The following EBF1 variants were observed in gnomAD, a reference collection of about 807,000 sequenced individuals.
EBF1 encodes the protein EBF transcription factor 1, also known as transcription factor COE1.
A neutral mutation model predicts 68.4 loss-of-function variants in EBF1; 10 were observed. The observed-to-expected ratio is 0.15, with a 90% CI of 0.09 to 0.25. The LOEUF (loss-of-function observed/expected upper bound fraction) is 0.25. Ranked by LOEUF, EBF1 falls within the 10% of genes least tolerant of loss-of-function variation. The pLI, the probability that EBF1 is intolerant of heterozygous loss-of-function variation, is 1.00. For missense variants in EBF1, 509 were observed against 794.4 expected, an observed-to-expected ratio of 0.64 and a Z score of 4.32; for synonymous variants, 298 against 299.8, an observed-to-expected ratio of 0.99 and a Z score of 0.06.
intron 6 of EBF1, among the ~76,000 whole-genome samples, chr5:159,022,054 G>GGTAAA (rs1766794345): frequency 5.6e-5 from 1 of 17,950 alleles, no homozygotes; most frequent in Non-Finnish European, 1.1e-4. Flanking sequence ...TTGTCAGCAC[G>GGTAAA]ATAAAAAAAA....
At chr5:158,761,308 T>C (rs1170591626) in intron 10 of EBF1, among the ~76,000 whole-genome samples, 3 of 152,234 alleles carry the variant, frequency 2.0e-5, no homozygotes, top group African/African-American at 7.2e-5. Flanking sequence ...ACTCATATCC[T>C]GTTCTGCTGT....
chr5:158,768,536 A>G (rs1273164694), intron 10 of EBF1, among the ~76,000 whole-genome samples: 1 of 152,160 alleles, frequency 6.6e-6, no homozygotes, highest in Admixed American at 6.6e-5. Context: ...TTTCAATATT[A>G]TTTTAATTAT....
At chr5:158,799,582 T>C (rs1335945150) in intron 8 of EBF1, among the ~76,000 whole-genome samples, 1 of 152,180 alleles carries the variant, frequency 6.6e-6, no homozygotes, top group Non-Finnish European at 1.5e-5. Flanking sequence ...CAAGAGCTAT[T>C]GTTAAGAATT....
chr5:158,742,956 C>T, intron 10 of EBF1, among the ~76,000 whole-genome samples: 1 of 152,130 alleles, frequency 6.6e-6, no homozygotes, highest in Non-Finnish European at 1.5e-5. Context: ...GTATACAAGG[C>T]CCCATGCTTA....
At chr5:158,789,163 T>C (rs562479734) in intron 9 of EBF1, among the ~76,000 whole-genome samples, 2 of 152,270 alleles carry the variant, frequency 1.3e-5, no homozygotes, top group East Asian at 3.9e-4. Flanking sequence ...TTCTATATAA[T>C]AGATGGTCAA....
In EBF1 at chr5:158,773,152, G is replaced by A. The variant is rs59380212; in HGVS notation, c.1036+4261C>T. On this transcript the variant is annotated intron_variant, in intron 10 of 15. Transcript: ENST00000313708. ...AAAGGGAGATAGGAGAGATGGGAGA[G>A]CAAGAAGAAAATAAGAGGGATAGGG... is the stretch of plus-strand genomic sequence containing the variant. 6.6e-5 allele frequency among the ~76,000 whole-genome samples: 10 copies of A among 151,676 alleles called. No individual in the cohort carries two copies. The East Asian group carries it at 1.9e-3, about 30-fold the overall frequency.
In EBF1 at chr5:158,840,096, A is replaced by C; in HGVS notation, c.569T>G (p.Phe190Cys). Residue 190 changes from phenylalanine to cysteine, a missense_variant, in exon 7 of 16, where the codon TTT becomes TGT. Phe to Cys is a radical substitution (Grantham distance 205). Transcript: ENST00000313708. Reference sequence around the variant, plus strand: ...GCAATTTTGGTTACATTTGAGGAAAAATTTCAAGAAGAACCTGTGAAGAAA... The same window carrying C: ...GCAATTTTGGTTACATTTGAGGAAACATTTCAAGAAGAACCTGTGAAGAAA... ...PVIIDRFFLK[F>C]FLKCNQNCLK... The C allele has an allele frequency of 1.2e-6, 2 of 1,613,812 alleles. No homozygotes were observed. Among genetic ancestry groups the C allele is most frequent in the African/African-American group, 1.3e-5 (1 of 75,014 alleles).
chr5:159,033,971 T>A (rs759281706), intron 6 of EBF1, among the ~76,000 whole-genome samples: 2 of 152,196 alleles, frequency 1.3e-5, no homozygotes, highest in Non-Finnish European at 2.9e-5. Context: ...GGCTTAGATG[T>A]CATCACTATT....
chr5:158,839,260 C>T (rs142638386), intron 7 of EBF1, among the ~76,000 whole-genome samples: 1 of 152,290 alleles, frequency 6.6e-6, no homozygotes, highest in Non-Finnish European at 1.5e-5. Context: ...TAGGCAGCTA[C>T]CACTAACAAT....
At chr5:158,768,816 A>T (rs1424587927) in intron 10 of EBF1, among the ~76,000 whole-genome samples, 4 of 152,166 alleles carry the variant, frequency 2.6e-5, no homozygotes, top group African/African-American at 9.6e-5. Flanking sequence ...AAATTTCAAG[A>T]TATACAGTCA....
rs563165182 is a variant in EBF1 at position 159,071,616 on chromosome 5, G to A, written c.554+1780C>T. Among the ~76,000 whole-genome samples the A allele has an allele frequency of 7.2e-5, 11 of 151,938 alleles. No homozygotes were observed. The South Asian group carries it at 1.5e-3, about 20-fold the overall frequency. On this transcript the variant is annotated intron_variant, in intron 6 of 15. Coordinates refer to ENST00000313708, the MANE Select transcript of EBF1 (RefSeq NM_024007.5). ...GCTGAGTCAAGTTTCTTATGCCATC[G>A]CAACCCACAGGAACAGGTCAAAATC... is the stretch of plus-strand genomic sequence containing the variant.
intron 6 of EBF1, among the ~76,000 whole-genome samples, chr5:159,034,176 CT>C (rs1275235756): frequency 6.6e-6 from 1 of 152,070 alleles, no homozygotes; most frequent in African/African-American, 2.4e-5. Flanking sequence ...TCAAACTATG[CT>C]TTTTTTGACT....
intron 11 of EBF1, among the ~76,000 whole-genome samples, chr5:158,728,154 C>T (rs1763371942): frequency 6.6e-6 from 1 of 152,188 alleles, no homozygotes; most frequent in African/African-American, 2.4e-5. Flanking sequence ...TCCGCCACTT[C>T]CTGACCCTGC....
At chr5:158,988,098 G>A (rs1011837166) in intron 6 of EBF1, among the ~76,000 whole-genome samples, 1 of 152,188 alleles carries the variant, frequency 6.6e-6, no homozygotes, top group African/African-American at 2.4e-5. Context: ...CATAGTAGGT[G>A]CTTAAAATAG....
intron 6 of EBF1, among the ~76,000 whole-genome samples, chr5:158,850,055 T>C (rs778251720): frequency 2.6e-5 from 4 of 152,318 alleles, no homozygotes; most frequent in South Asian, 4.1e-4. Flanking sequence ...CTCCACACCA[T>C]TGGTGTCCTT....
rs565838310 is a variant in EBF1 at position 158,964,569 on chromosome 5, C to T, written c.554+108827G>A. On this transcript the variant is annotated intron_variant, in intron 6 of 15. Transcript: ENST00000313708. ...AAGGACCCACAGGTATGGAGAAGCT[C>T]GAATTGATAATGACAGTCTGTTAGG... 5.3e-5 allele frequency among the ~76,000 whole-genome samples: 8 copies of T among 152,138 alleles called. No individual in the cohort carries two copies. In the East Asian group the frequency reaches 1.4e-3, roughly 26 times the overall value.
At chr5:158,722,037 G>A (rs1226565734) in intron 11 of EBF1, among the ~76,000 whole-genome samples, 1 of 152,000 alleles carries the variant, frequency 6.6e-6, no homozygotes, top group African/African-American at 2.4e-5. Flanking sequence ...ACTATGACCT[G>A]CTTGGAGGTA....
At chr5:158,873,343 T>C (rs1241016140) in intron 6 of EBF1, among the ~76,000 whole-genome samples, 3 of 152,196 alleles carry the variant, frequency 2.0e-5, no homozygotes, top group East Asian at 1.9e-4. Context: ...CCATTCCCTT[T>C]GACTCTATAG....
At chr5:159,093,341 G>C (rs1220168127) in intron 4 of EBF1, among the ~76,000 whole-genome samples, 1 of 152,068 alleles carries the variant, frequency 6.6e-6, no homozygotes, top group Non-Finnish European at 1.5e-5. Context: ...ATATTTTTTA[G>C]ACTTAGATAA....
Sources: gnomAD v4.1 joint callset for allele counts (sites outside exome capture counted in the v4.1 genomes callset) on GRCh38, gnomAD v4.1.1 for gene constraint, MANE v1.5 for transcripts, NCBI Gene and HGNC (gene_info 2026-07-23, HGNC 2026-07-21) for gene names.